Variants in PALS1 observed in about 807,000 individuals in gnomAD.
PALS1 encodes protein associated with LIN7 1, MAGUK p55 family member.
In PALS1, 31 loss-of-function variants were observed where a neutral mutation model predicts 78.9. The observed-to-expected ratio is 0.39, with a 90% CI of 0.30 to 0.53. The LOEUF (loss-of-function observed/expected upper bound fraction) is 0.53. Ranked by LOEUF, PALS1 falls within the 20% of genes least tolerant of loss-of-function variation. The probability of loss-of-function intolerance (pLI) is 0.67; values close to 1 mark genes in which losing one functional copy is unlikely to be tolerated. For missense variants in PALS1, 704 were observed against 826.5 expected, an observed-to-expected ratio of 0.85 and a Z score of 1.82; for synonymous variants, 276 against 270.9, an observed-to-expected ratio of 1.02 and a Z score of -0.18.
At chr14:67,242,478 G>A (rs2083920022) in intron 1 of PALS1, among the ~76,000 whole-genome samples, 1 of 152,188 alleles carries the variant, frequency 6.6e-6, no homozygotes, top group African/African-American at 2.4e-5. Flanking sequence ...TTTAATGATA[G>A]TTTACTAATT....
At chr14:67,327,880 G>C (rs1363638205) in intron 14 of PALS1, among the ~76,000 whole-genome samples, 2 of 152,146 alleles carry the variant, frequency 1.3e-5, no homozygotes, top group Non-Finnish European at 2.9e-5. Flanking sequence ...TCTTAATCCA[G>C]TCTATCATTG....
chr14:67,289,887 C>G (rs764153413), intron 3 of PALS1, among the ~76,000 whole-genome samples: 11 of 151,554 alleles, frequency 7.3e-5, no homozygotes, highest in Admixed American at 2.0e-4. Flanking sequence ...TCTCCTGCCT[C>G]AGCCTCTCGA....
At chr14:67,269,301 C>T (rs968549240) in intron 1 of PALS1, among the ~76,000 whole-genome samples, 2 of 151,908 alleles carry the variant, frequency 1.3e-5, no homozygotes, top group Admixed American at 6.6e-5. Flanking sequence ...TTTGCTATTA[C>T]GAATACTGCT....
intron 1 of PALS1, among the ~76,000 whole-genome samples, chr14:67,268,668 C>A (rs72717371): frequency 3.7e-4 from 57 of 152,124 alleles, no homozygotes; most frequent in African/African-American, 1.3e-3. Context: ...AGCATGCTAA[C>A]GCATTATAAT....
At chr14:67,245,964 CTTAT>C (rs1325579012) in intron 1 of PALS1, among the ~76,000 whole-genome samples, 4 of 151,756 alleles carry the variant, frequency 2.6e-5, no homozygotes, top group East Asian at 3.9e-4. Context: ...AGTTGTTTCA[CTTAT>C]TTGTTTGTCC....
At chr14:67,310,266 C>T (rs1414014622) in intron 8 of PALS1, among the ~76,000 whole-genome samples, 1 of 152,084 alleles carries the variant, frequency 6.6e-6, no homozygotes, top group Non-Finnish European at 1.5e-5. Flanking sequence ...TGTTTTTTCA[C>T]ATCTAGAATG....
intron 1 of PALS1, among the ~76,000 whole-genome samples, chr14:67,268,535 G>A (rs187915521): frequency 0.012 from 1,847 of 152,240 alleles, 19 homozygotes; most frequent in Non-Finnish European, 0.018. Context: ...TGAATTTTCC[G>A]GGGGAAAGGG....
chr14:67,304,283 T>A (rs1307627668), intron 8 of PALS1, among the ~76,000 whole-genome samples: 2 of 152,158 alleles, frequency 1.3e-5, no homozygotes, highest in Non-Finnish European at 2.9e-5. Flanking sequence ...GTCAAGCAAT[T>A]GCATTCCAAA....
At chr14:67,316,632 G>A (rs1248450451) in intron 9 of PALS1, among the ~76,000 whole-genome samples, 200 bp from the exon 10 acceptor site, 1 of 151,872 alleles carries the variant, frequency 6.6e-6, no homozygotes, top group Non-Finnish European at 1.5e-5. Flanking sequence ...AATACATATG[G>A]GATTGATTGA....
chr14:67,281,994 A>G (rs926544431), intron 3 of PALS1, among the ~76,000 whole-genome samples: 3 of 152,162 alleles, frequency 2.0e-5, no homozygotes, highest in African/African-American at 4.8e-5. Context: ...TTGAAATGTC[A>G]TAACAGGTAT....
intron 3 of PALS1, among the ~76,000 whole-genome samples, chr14:67,289,188 A>C (rs977107230): frequency 6.6e-6 from 1 of 151,772 alleles, no homozygotes; most frequent in African/African-American, 2.4e-5. Context: ...GGCTGGTCTC[A>C]AACTCCTGAC....
At chr14:67,324,969 A>G (rs904444073) in intron 14 of PALS1, among the ~76,000 whole-genome samples, 2 of 140,644 alleles carry the variant, frequency 1.4e-5, no homozygotes, top group Non-Finnish European at 3.0e-5. Context: ...CAGTAGCGCA[A>G]TCTCGGCTGA....
At chr14:67,292,076 A>G (rs2084780536) in intron 3 of PALS1, among the ~76,000 whole-genome samples, 2 of 152,216 alleles carry the variant, frequency 1.3e-5, no homozygotes, top group African/African-American at 4.8e-5. Context: ...ACTATAAATT[A>G]TGGTTTAGCC....
intron 8 of PALS1, among the ~76,000 whole-genome samples, chr14:67,309,891 A>G (rs1299898146): frequency 2.0e-5 from 3 of 152,140 alleles, no homozygotes; most frequent in Non-Finnish European, 2.9e-5. Context: ...AAAATTGTCA[A>G]TCAAGATTGA....
At chr14:67,319,914 C>G (rs1212275792) in intron 11 of PALS1, among the ~76,000 whole-genome samples, 1 of 152,188 alleles carries the variant, frequency 6.6e-6, no homozygotes, top group Admixed American at 6.5e-5. Context: ...GGATATTACT[C>G]TTACTAGTTC....
intron 1 of PALS1, among the ~76,000 whole-genome samples, chr14:67,250,496 G>C (rs1287622232): frequency 1.3e-5 from 2 of 152,152 alleles, no homozygotes; most frequent in East Asian, 3.8e-4. Flanking sequence ...ATGTGTACTG[G>C]ACATGCAGAT....
At position 67,320,367 on chromosome 14, in the gene PALS1, G is replaced by C. The variant is rs1408001970; in HGVS notation, c.1507G>C (p.Glu503Gln). The change falls in exon 12 of 15, where the codon GAA becomes CAA. Residue 503 changes from glutamate to glutamine, a missense_variant. Transcript: ENST00000261681. Reference protein sequence around the residue: ...NELRQRLMNKEKDRFASAVPH... With the variant: ...NELRQRLMNKQKDRFASAVPH... ...ATTGCGTCAGAGGCTCATGAACAAA[G>C]AAAAGGACCGCTTTGCATCTGCAGT... is the stretch of plus-strand genomic sequence containing the variant. 6.2e-7 allele frequency: 1 copy of C among 1,609,260 alleles called. No individual in the cohort carries two copies. The highest frequency in any genetic ancestry group is 8.5e-7 in the Non-Finnish European group (1 of 1,178,424).
chr14:67,322,844 G>A (rs766285475), intron 13 of PALS1, among the ~76,000 whole-genome samples: 33 of 152,246 alleles, frequency 2.2e-4, no homozygotes, highest in African/African-American at 3.1e-4. Context: ...TTGATAGAGC[G>A]TGTCAGTTTG....
At position 67,265,429 on chromosome 14, in the gene PALS1, G is replaced by A. The variant is rs189542659; in HGVS notation, c.-236-4272G>A. The stretch of plus-strand genomic sequence containing the variant: ...AAAAAGTAGCTGGATGGTGGCGTGT[G>A]CCTGTAGTCCCAGCTACACAGGAGG... On this transcript the variant is annotated intron_variant, in intron 1 of 14. Coordinates refer to ENST00000261681, the MANE Select transcript of PALS1 (RefSeq NM_022474.4). Among the ~76,000 whole-genome samples the A allele has an allele frequency of 1.1e-4, 17 of 151,998 alleles. No individual in the cohort carries two copies. The East Asian group carries it at 3.3e-3, about 29-fold the overall frequency.
Sources: gnomAD v4.1 joint callset for allele counts (sites outside exome capture counted in the v4.1 genomes callset) on GRCh38, gnomAD v4.1.1 for gene constraint, MANE v1.5 for transcripts, NCBI Gene and HGNC (gene_info 2026-07-23, HGNC 2026-07-21) for gene names.